Variants in MAPK10 observed in about 807,000 individuals in gnomAD.
The protein encoded by MAPK10 is mitogen-activated protein kinase 10, also known as JNK3 alpha protein kinase.
In MAPK10, 25 loss-of-function variants were observed where a neutral mutation model predicts 59.3. The observed-to-expected ratio is 0.42, with a 90% CI of 0.31 to 0.59. The LOEUF is 0.59. Among genes scored for constraint, MAPK10 ranks in the 20% least tolerant of loss-of-function variants. The probability of loss-of-function intolerance (pLI) is 0.15; values close to 1 mark genes in which losing one functional copy is unlikely to be tolerated. For synonymous variants in MAPK10, 190 were observed against 200.5 expected, an observed-to-expected ratio of 0.95 and a Z score of 0.44; for missense variants, 351 against 568.9, an observed-to-expected ratio of 0.62 and a Z score of 3.90.
At chr4:86,159,568 C>A in intron 3 of MAPK10, 101 bp from the exon 4 acceptor site, 1 of 911,458 alleles carries the variant, frequency 1.1e-6, no homozygotes, top group South Asian at 1.9e-5. Flanking sequence ...TGACACTTAG[C>A]CATCTATCAT....
intron 2 of MAPK10, among the ~76,000 whole-genome samples, chr4:86,240,528 T>C (rs1443229963): frequency 1.3e-5 from 2 of 152,214 alleles, no homozygotes; most frequent in Non-Finnish European, 2.9e-5. Context: ...GGTACTCCTG[T>C]ATTGGGTGCA....
chr4:86,054,370 C>T (rs909233601), intron 11 of MAPK10, among the ~76,000 whole-genome samples: 3 of 152,128 alleles, frequency 2.0e-5, no homozygotes, highest in Non-Finnish European at 4.4e-5. Flanking sequence ...TACATGGCAT[C>T]AAAACAATCC....
At chr4:86,222,169 T>A (rs1009471168) in intron 2 of MAPK10, among the ~76,000 whole-genome samples, 1 of 152,234 alleles carries the variant, frequency 6.6e-6, no homozygotes, top group African/African-American at 2.4e-5. Flanking sequence ...TGGGAAACTG[T>A]GAGCCAATTA....
At chr4:86,187,555 C>A (rs560841890) in intron 3 of MAPK10, among the ~76,000 whole-genome samples, 1 of 152,154 alleles carries the variant, frequency 6.6e-6, no homozygotes, top group East Asian at 1.9e-4. Context: ...GAAACCGAAA[C>A]CACAGATAAG....
chr4:86,334,407 A>G (rs1002845613), intron 2 of MAPK10, among the ~76,000 whole-genome samples: 1 of 152,184 alleles, frequency 6.6e-6, no homozygotes, highest in African/African-American at 2.4e-5. Flanking sequence ...TTTTCCACAT[A>G]GCAAAGAGAG....
chr4:86,130,546 A>C (rs571596202), intron 4 of MAPK10, among the ~76,000 whole-genome samples: 1 of 152,312 alleles, frequency 6.6e-6, no homozygotes, highest in East Asian at 1.9e-4. Context: ...TGAGGTGACC[A>C]AATGAAATGT....
intron 13 of MAPK10, among the ~76,000 whole-genome samples, chr4:86,019,592 C>T (rs1459384365): frequency 6.6e-6 from 1 of 152,128 alleles, no homozygotes; most frequent in Admixed American, 6.5e-5. Flanking sequence ...GCCCAAATGC[C>T]CTGCTCTGTT....
Position 86,027,986 on chromosome 4 carries a change from C to T in MAPK10, c.1252+1211G>A, listed in dbSNP as rs1751207051. ...TAAAATTTGTCCAGGCCCAGCCTAACATGCTAGGTTACCCGTGGCTACATT... is the reference window on the plus strand; with the variant it reads ...TAAAATTTGTCCAGGCCCAGCCTAATATGCTAGGTTACCCGTGGCTACATT... On this transcript the variant is annotated intron_variant, in intron 13 of 13. Coordinates refer to ENST00000641462, the MANE Select transcript of MAPK10 (RefSeq NM_138982.4). The T allele has an allele frequency of 2.0e-5, 3 of 152,226 alleles. No individual in the cohort carries two copies. The South Asian group carries it at 6.2e-4, about 32-fold the overall frequency. 9.4% of individuals were successfully genotyped at this position (152,226 alleles called of 1,614,324 possible). A position where few individuals can be genotyped will look rare whatever the true frequency, so the allele number is the denominator to read the frequency against.
chr4:86,317,616 CTAATTCTAACATAT>C (rs1268800155), intron 2 of MAPK10, among the ~76,000 whole-genome samples: 2 of 152,160 alleles, frequency 1.3e-5, no homozygotes, highest in Middle Eastern at 3.2e-3. Flanking sequence ...TAACATATTA[CTAATTCTAACATAT>C]TAATTCTAAC....
chr4:86,227,916 A>G (rs2090930519), intron 2 of MAPK10, among the ~76,000 whole-genome samples: 1 of 152,228 alleles, frequency 6.6e-6, no homozygotes, highest in Admixed American at 6.5e-5. Context: ...ACTGTCATGA[A>G]GGAAGAAGTC....
At chr4:86,354,791 T>C (rs1247502081) in intron 1 of MAPK10, 147 bp from the exon 2 acceptor site, 7 of 388,532 alleles carry the variant, frequency 1.8e-5, no homozygotes, top group Non-Finnish European at 4.5e-6. Context: ...TAATTATCTC[T>C]ATTCATCATT....
chr4:86,443,639 C>T (rs952470304), intron 1 of MAPK10, among the ~76,000 whole-genome samples: 4 of 151,992 alleles, frequency 2.6e-5, no homozygotes, highest in African/African-American at 7.3e-5. Context: ...ACGCACAAAA[C>T]GCATCTTACC....
intron 9 of MAPK10, among the ~76,000 whole-genome samples, chr4:86,074,536 T>G (rs2149012869): frequency 7.5e-6 from 1 of 133,422 alleles, no homozygotes; most frequent in Non-Finnish European, 1.6e-5. Context: ...TGGTACTGGT[T>G]GTTCCTTTCC....
intron 4 of MAPK10, chr4:86,107,629 CT>C: frequency 9.5e-7 from 1 of 1,057,386 alleles, no homozygotes; most frequent in Non-Finnish European, 1.1e-6. Context: ...AGAAAAAGAT[CT>C]TGCCAAGAAT....
At chr4:86,262,042 T>C (rs2094004934) in intron 2 of MAPK10, among the ~76,000 whole-genome samples, 2 of 152,382 alleles carry the variant, frequency 1.3e-5, no homozygotes, top group African/African-American at 4.8e-5. Context: ...ATAACTGCTA[T>C]GATTTGTTGC....
At chr4:86,326,944 G>C (rs527746061) in intron 2 of MAPK10, 1 of 152,260 alleles carries the variant, frequency 6.6e-6, no homozygotes, top group Non-Finnish European at 1.5e-5. Flanking sequence ...CAGCAGGAAT[G>C]CATGTAATAT....
intron 1 of MAPK10, among the ~76,000 whole-genome samples, chr4:86,423,770 C>CATATAT (rs539111577): frequency 0.048 from 4,404 of 91,412 alleles, 140 homozygotes; most frequent in Middle Eastern, 0.099. Flanking sequence ...GATATATATA[C>CATATAT]ATATATATAT....
rs184650469 is a variant in MAPK10, at chr4:86,494,595, C to T, written c.-263+99315G>A. Among the ~76,000 whole-genome samples, 167 of 152,138 alleles carry T rather than the reference C, an allele frequency of 1.1e-3. 2 individuals are homozygous for T. The highest frequency in any genetic ancestry group is 3.7e-3 in the African/African-American group (154 of 41,508). On this transcript the variant is annotated intron_variant, in intron 1 of 4. Transcript: ENST00000502302. ...GCGTGGTGGCTCACACCCGTAATCCCAGCACTTTGGGAGGCTGAGGCGGGC... is the reference window on the plus strand; with the variant it reads ...GCGTGGTGGCTCACACCCGTAATCCTAGCACTTTGGGAGGCTGAGGCGGGC...
chr4:86,569,177 G>A (rs367577039), intron 1 of MAPK10, among the ~76,000 whole-genome samples: 35 of 151,896 alleles, frequency 2.3e-4, no homozygotes, highest in Admixed American at 7.9e-4. Context: ...ACATACAAGC[G>A]GCCAATAAAC....
Sources: allele counts gnomAD v4.1 joint callset (sites outside exome capture counted in the v4.1 genomes callset), GRCh38; gene constraint gnomAD v4.1.1; transcripts MANE v1.5; gene names NCBI Gene and HGNC (gene_info 2026-07-23, HGNC 2026-07-21).